Variants in SLA2 observed in about 807,000 individuals in gnomAD.
SLA2 encodes the protein Src like adaptor 2.
A neutral mutation model predicts 27.3 loss-of-function variants in SLA2; 22 were observed. That is an observed-to-expected ratio of 0.81 (90% CI 0.58 to 1.15). The LOEUF (loss-of-function observed/expected upper bound fraction) is 1.15. SLA2 is among the 50% of genes most tolerant of loss of function. SLA2 has a pLI of 0.00. For missense variants in SLA2, 304 were observed against 322.2 expected (o/e 0.94, Z 0.43); for synonymous variants, 131 against 137.8 (o/e 0.95, Z 0.34).
chr20:36,630,453 G>A (rs879665308), intron 5 of SLA2, among the ~76,000 whole-genome samples: 1 of 152,186 alleles, frequency 6.6e-6, no homozygotes, highest in Non-Finnish European at 1.5e-5. Flanking sequence ...GTCCATTCCT[G>A]ATACCTCCTT....
chr20:36,645,185 C>A (rs1287137712), intron 1 of SLA2, among the ~76,000 whole-genome samples: 2 of 145,738 alleles, frequency 1.4e-5, no homozygotes. Context: ...CCACCCCCAC[C>A]ACCGCCTGCC....
intron 2 of SLA2, among the ~76,000 whole-genome samples, chr20:36,639,877 A>G (rs2039490113): frequency 1.3e-5 from 2 of 151,828 alleles, no homozygotes; most frequent in Non-Finnish European, 2.9e-5. Flanking sequence ...AAAAAGAACA[A>G]AAAAACTAGA....
chr20:36,612,484 A>G lies in SLA2; in HGVS notation c.*1382T>C. The G allele has an allele frequency of 1.5e-5, 8 of 521,424 alleles. No individual in the cohort carries two copies. The highest frequency in any genetic ancestry group is 1.3e-4 in the South Asian group (6 of 45,434). 32.3% of individuals were successfully genotyped at this position (521,424 alleles called of 1,614,324 possible). On this transcript the variant is annotated 3_prime_UTR_variant, in exon 8 of 8. Transcript: ENST00000262866. ...ATGTGCGTGGTCCATAGCACAGTAC[A>G]TGCAGCATCTAATAAGAGTTTCCAT...
chr20:36,630,550 T>C lies in SLA2; in HGVS notation c.382+2045A>G, dbSNP rs191295346. Among the ~76,000 whole-genome samples, 379 of 152,310 alleles carry C rather than the reference T, an allele frequency of 2.5e-3. 2 individuals carry two copies. The highest frequency in any genetic ancestry group is 8.5e-3 in the African/African-American group (354 of 41,562). On this transcript the variant is annotated intron_variant, in intron 5 of 7. Transcript: ENST00000262866. ...GGCCTGGAGTGAGAGGAGGTGTGGCTGGGTTTGAATCCTGGCTCTGCACTT... is the reference window on the plus strand; with the variant it reads ...GGCCTGGAGTGAGAGGAGGTGTGGCCGGGTTTGAATCCTGGCTCTGCACTT...
intron 5 of SLA2, among the ~76,000 whole-genome samples, chr20:36,618,020 G>A (rs543074297): frequency 1.1e-4 from 17 of 150,840 alleles, no homozygotes; most frequent in South Asian, 2.1e-4. Flanking sequence ...GGTGGCGGGC[G>A]CCTGTAGTCC....
Position 36,613,943 on chromosome 20 carries a change from GAA to G in SLA2, c.707_708del (p.Leu236ProfsTer3), listed in dbSNP as rs1477937355. On this transcript the variant is annotated frameshift_variant, in exon 8 of 8. Coordinates refer to ENST00000262866, the MANE Select transcript of SLA2 (RefSeq NM_032214.4). LOFTEE classifies it high-confidence loss of function. ...AGGGACTCCCGGAGACCCTCACTGAGAAGAGACTCCTCCCCTGTGGCAGCTTC... is the reference window on the plus strand; with the variant it reads ...AGGGACTCCCGGAGACCCTCACTGAGGAGACTCCTCCCCTGTGGCAGCTTC... ...FSEAATGEESLLSEGLRESLS... is the reference protein window; with the variant it reads ...FSEAATGEESXLSEGLRESLS... 6.2e-7 allele frequency: 1 copy of G among 1,614,146 alleles called. No homozygotes were observed. Among genetic ancestry groups the G allele is most frequent in the East Asian group, 2.2e-5 (1 of 44,882 alleles).
At position 36,632,615 on chromosome 20, in the gene SLA2, C is replaced by A. The variant is rs1015165336; in HGVS notation, c.362G>T (p.Arg121Leu). ...PGNPGGAFLIRESQTRRGSYS... is the reference protein window; with the variant it reads ...PGNPGGAFLILESQTRRGSYS... ...CTCACCTCTCCTGGTCTGGCTCTCC[C>A]GGATGAGGAAGGCCCCTCCAGGGTT... Residue 121 changes from arginine to leucine, a missense_variant, in exon 5 of 8, where the codon CGG (arginine) becomes CTG (leucine). Coordinates refer to ENST00000262866, the MANE Select transcript of SLA2 (RefSeq NM_032214.4). 10 of 1,613,994 alleles carry A rather than the reference C, an allele frequency of 6.2e-6. No homozygotes were observed. In the African/African-American group the frequency reaches 1.2e-4, roughly 19 times the overall value.
intron 2 of SLA2, among the ~76,000 whole-genome samples, chr20:36,636,293 C>T (rs1014376109): frequency 0.015 from 2,231 of 150,348 alleles, 83 homozygotes; most frequent in African/African-American, 0.053. Context: ...CGGTGGCGGG[C>T]GCCTGTAGTC....
At chr20:36,635,609 C>T (rs145747009) in intron 2 of SLA2, among the ~76,000 whole-genome samples, 175 of 152,160 alleles carry the variant, frequency 1.2e-3, no homozygotes, top group African/African-American at 3.8e-3. Flanking sequence ...TGCAGTGAAC[C>T]CAGCCTGGAG....
chr20:36,626,957 C>T (rs2039345411), intron 5 of SLA2, among the ~76,000 whole-genome samples: 1 of 151,784 alleles, frequency 6.6e-6, no homozygotes, highest in African/African-American at 2.4e-5. Context: ...TATGGGAAGG[C>T]GATAGCCTGG....
intron 5 of SLA2, among the ~76,000 whole-genome samples, chr20:36,628,065 CAA>C (rs1568605497): frequency 6.6e-6 from 1 of 152,136 alleles, no homozygotes. Flanking sequence ...TTTTCAAACT[CAA>C]GAGAACAATA....
intron 5 of SLA2, among the ~76,000 whole-genome samples, chr20:36,619,901 G>A (rs1289180163): frequency 2.0e-5 from 3 of 150,646 alleles, no homozygotes; most frequent in African/African-American, 7.3e-5. Flanking sequence ...CAAAGTGCTG[G>A]GATTACAGGT....
chr20:36,615,430 C>T (rs2039198467), intron 5 of SLA2, 56 bp from the exon 6 acceptor site: 5 of 1,605,058 alleles, frequency 3.1e-6, no homozygotes, highest in Admixed American at 3.4e-5. Context: ...CTCGGCCCCA[C>T]CTAGGCTGGG....
intron 5 of SLA2, among the ~76,000 whole-genome samples, chr20:36,616,568 C>T (rs1246844432): frequency 1.3e-5 from 2 of 151,954 alleles, no homozygotes; most frequent in African/African-American, 4.8e-5. Flanking sequence ...CTCTTGACCT[C>T]GTGATCCGCC....
In SLA2 at chr20:36,625,216, A is replaced by ATTTTTTTTTTTTTTTTTTT. The variant is rs71186005; in HGVS notation, c.382+7360_382+7378dup. Reference sequence around the variant, plus strand: ...TATTCTCATCAGACCACGTACCCTGATTTTTTTTTTTTTTTTTTTTTTTGA... The same window carrying ATTTTTTTTTTTTTTTTTTT: ...TATTCTCATCAGACCACGTACCCTGATTTTTTTTTTTTTTTTTTTTTTTTTTTTTTTTTTTTTTTTTTGA... On this transcript the variant is annotated intron_variant, in intron 5 of 7. Transcript: ENST00000262866. Among the ~76,000 whole-genome samples, 8 of 78,490 alleles carry ATTTTTTTTTTTTTTTTTTT rather than the reference A, an allele frequency of 1.0e-4. 1 individual carries two copies. The highest frequency in any genetic ancestry group is 4.3e-4 in the African/African-American group (8 of 18,712). The allele number at this position is 78,490 out of a possible 152,430, so 51.5% of individuals were successfully genotyped here. A position where few individuals can be genotyped will look rare whatever the true frequency, so the allele number is the denominator to read the frequency against.
chr20:36,633,845 G>T (rs769219960), intron 3 of SLA2, among the ~76,000 whole-genome samples: 1 of 151,574 alleles, frequency 6.6e-6, no homozygotes, highest in African/African-American at 2.4e-5. Context: ...GCTACAGGGC[G>T]CTGCCCACCC....
intron 2 of SLA2, among the ~76,000 whole-genome samples, chr20:36,637,245 C>T (rs2039461014): frequency 1.4e-5 from 2 of 146,480 alleles, no homozygotes; most frequent in African/African-American, 5.1e-5. Flanking sequence ...CTCTGTCGCC[C>T]AGGCTGGAGT....
intron 5 of SLA2, 89 bp from the exon 6 acceptor site, chr20:36,615,463 C>T: frequency 6.5e-7 from 1 of 1,535,882 alleles, no homozygotes; most frequent in Non-Finnish European, 8.9e-7. Context: ...GCAACGTGAC[C>T]ATGGGGCCCC....
chr20:36,619,807 T>G (rs2039260819), intron 5 of SLA2, among the ~76,000 whole-genome samples: 1 of 148,950 alleles, frequency 6.7e-6, no homozygotes, highest in African/African-American at 2.5e-5. Flanking sequence ...TTTTTTTTTG[T>G]ATTTTTAGTA....
Sources: allele counts gnomAD v4.1 joint callset (sites outside exome capture counted in the v4.1 genomes callset), GRCh38; gene constraint gnomAD v4.1.1; transcripts MANE v1.5; gene names NCBI Gene and HGNC (gene_info 2026-07-23, HGNC 2026-07-21).